RHNO1: variants seen among roughly 807,000 people sequenced by gnomAD.
The protein encoded by RHNO1 is RAD9, HUS1, RAD1-interacting nuclear orphan protein 1.
In RHNO1, 9 loss-of-function variants were observed where a neutral mutation model predicts 7.2. The ratio of observed to expected loss-of-function variants is 1.25; its 90% CI spans 0.75 to 2.18. RHNO1 has a LOEUF of 2.18. RHNO1 is among the 30% of genes most tolerant of loss of function. RHNO1 has a pLI of 0.00. For missense variants in RHNO1, 292 were observed against 284.5 expected, an observed-to-expected ratio of 1.03 and a Z score of -0.19; for synonymous variants, 95 against 107.5, an observed-to-expected ratio of 0.88 and a Z score of 0.72.
chr12:2,888,798 G>GGCCCAGCCGAGATTTGTTTTCTAAGA lies in RHNO1; in HGVS notation c.*340_*365dup, dbSNP rs1280421810. ...GCTGGCCTTGACCTCACAAAGTGCT[G>GGCCCAGCCGAGATTTGTTTTCTAAGA]GCCCAGCCGAGATTTGTTTTCTAAG... On this transcript the variant is annotated 3_prime_UTR_variant, in exon 3 of 3. Transcript: ENST00000489288. The GGCCCAGCCGAGATTTGTTTTCTAAGA allele has an allele frequency of 5.8e-4, 117 of 203,320 alleles. No individual in the cohort carries two copies. The highest frequency in any genetic ancestry group is 1.9e-3 in the Admixed American group (36 of 18,856). The allele number at this position is 203,320 out of a possible 1,614,324, so 12.6% of individuals were successfully genotyped here.
At chr12:2,879,579 C>T (rs2098154772) in intron 1 of RHNO1, among the ~76,000 whole-genome samples, 1 of 151,816 alleles carries the variant, frequency 6.6e-6, no homozygotes, top group Non-Finnish European at 1.5e-5. Context: ...AGCGATCTGC[C>T]CACCCCGGCC....
At chr12:2,885,179 C>T (rs2098163743) in intron 1 of RHNO1, 104 bp from the exon 2 acceptor site, 5 of 569,474 alleles carry the variant, frequency 8.8e-6, no homozygotes, top group Non-Finnish European at 1.6e-5. Flanking sequence ...AGGCTGTGCT[C>T]CCCAAAGCCT....
At position 2,887,243 on chromosome 12, in the gene RHNO1, C is replaced by A. The variant is rs142136709; in HGVS notation, c.169-668C>A. ...CTGTAATCCCAGCACTTTGGAAGGCCGGGGTGGGTGGATCACCTGAGGTCA... is the reference window on the plus strand; with the variant it reads ...CTGTAATCCCAGCACTTTGGAAGGCAGGGGTGGGTGGATCACCTGAGGTCA... On this transcript the variant is annotated intron_variant, in intron 2 of 2. Transcript: ENST00000489288. 323 of 233,586 alleles carry A rather than the reference C, an allele frequency of 1.4e-3. 2 individuals carry two copies. Among genetic ancestry groups the A allele is most frequent in the African/African-American group, 7.0e-3 (311 of 44,642 alleles). The allele number at this position is 233,586 out of a possible 1,614,324, so 14.5% of individuals were successfully genotyped here.
Position 2,885,540 on chromosome 12 carries a change from C to T in RHNO1, c.168+6C>T. The T allele has an allele frequency of 6.9e-7, 1 of 1,452,000 alleles. No individual in the cohort carries two copies. The highest frequency in any genetic ancestry group is 9.5e-7 in the Non-Finnish European group (1 of 1,057,018). The allele number at this position is 1,452,000 out of a possible 1,614,324, so 89.9% of individuals were successfully genotyped here. A position where few individuals can be genotyped will look rare whatever the true frequency, so the allele number is the denominator to read the frequency against. ...ACAGCACCATCACTTCCTGGGTAGG[C>T]CCATGGGATTACTATTTGACATTTT... On this transcript the variant is annotated splice_donor_region_variant and intron_variant, in intron 2 of 2. Coordinates refer to ENST00000489288, the MANE Select transcript of RHNO1 (RefSeq NM_001252499.3).
chr12:2,887,348 C>G (rs988158841), intron 2 of RHNO1, among the ~76,000 whole-genome samples: 3 of 151,878 alleles, frequency 2.0e-5, no homozygotes, highest in Admixed American at 2.0e-4. Flanking sequence ...CGTGGTGGTG[C>G]GCACCTATAT....
chr12:2,879,493 CACCT>C (rs1254209667), intron 1 of RHNO1, among the ~76,000 whole-genome samples: 1 of 151,776 alleles, frequency 6.6e-6, no homozygotes, highest in Non-Finnish European at 1.5e-5. Flanking sequence ...CAGCCGTGCC[CACCT>C]GATTTTTTGT....
Position 2,885,323 on chromosome 12 carries a change from T to TAACAGC in RHNO1, c.-42_-37dup, listed in dbSNP as rs2098163907. ...GGAGCCTATCCCCCAACCCGAAGGC[T>TAACAGC]AACAGCATCATGTGGTTACTAACTG... On this transcript the variant is annotated 5_prime_UTR_variant, in exon 2 of 3. Coordinates refer to ENST00000489288, the MANE Select transcript of RHNO1 (RefSeq NM_001252499.3). The TAACAGC allele has an allele frequency of 3.2e-6, 5 of 1,573,526 alleles. No individual in the cohort carries two copies. The highest frequency in any genetic ancestry group is 3.5e-6 in the Non-Finnish European group (4 of 1,157,278).
intron 2 of RHNO1, chr12:2,887,084 T>C (rs2098166464): frequency 7.0e-6 from 3 of 426,862 alleles, no homozygotes; most frequent in Admixed American, 4.8e-5. Context: ...GGCTTACGCC[T>C]GTAATCCCAG....
At chr12:2,884,813 C>G (rs572979119) in intron 1 of RHNO1, among the ~76,000 whole-genome samples, 2 of 152,294 alleles carry the variant, frequency 1.3e-5, no homozygotes, top group South Asian at 4.1e-4. Context: ...TTTGTGTACA[C>G]TGTTCCTCAG....
chr12:2,887,847 A>G, intron 2 of RHNO1, 64 bp from the exon 3 acceptor site: 2 of 1,331,578 alleles, frequency 1.5e-6, no homozygotes, highest in Non-Finnish European at 2.0e-6. Flanking sequence ...TGGTCATCAG[A>G]TACAGTTTCC....
At chr12:2,885,161 G>GATAC (rs1193837077) in intron 1 of RHNO1, 122 bp from the exon 2 acceptor site, 1 of 500,792 alleles carries the variant, frequency 2.0e-6, no homozygotes, top group African/African-American at 2.0e-5. Context: ...GGTGGTTGTA[G>GATAC]GTATAGGAGG....
chr12:2,889,278 C>A lies in RHNO1; in HGVS notation c.*819C>A, dbSNP rs1335811268. On this transcript the variant is annotated 3_prime_UTR_variant, in exon 3 of 3. Transcript: ENST00000489288. The stretch of plus-strand genomic sequence containing the variant: ...ATAAGATGAGGGGAGATAAGGGGGA[C>A]ATAGATGAGTTCTTTAGGATTGCGT... 6.6e-6 allele frequency: 1 copy of A among 152,084 alleles called. No homozygotes were observed. Among genetic ancestry groups the A allele is most frequent in the African/African-American group, 2.4e-5 (1 of 41,402 alleles). 9.4% of individuals were successfully genotyped at this position (152,084 alleles called of 1,614,324 possible). A position where few individuals can be genotyped will look rare whatever the true frequency, so the allele number is the denominator to read the frequency against.
chr12:2,878,385 GCA>G (rs1290535450), intron 1 of RHNO1, among the ~76,000 whole-genome samples: 1 of 150,782 alleles, frequency 6.6e-6, no homozygotes, highest in Non-Finnish European at 1.5e-5. Flanking sequence ...GCAGGAGGAA[GCA>G]CAGTGAGTAC....
In RHNO1 at chr12:2,885,456, T is replaced by G; in HGVS notation, c.90T>G (p.Cys30Trp). The change falls in exon 2 of 3, where the codon TGT (cysteine) becomes TGG (tryptophan). Residue 30 changes from cysteine to tryptophan, a missense_variant. Physicochemically the swap from Cys to Trp is radical, Grantham distance 215. Coordinates refer to ENST00000489288, the MANE Select transcript of RHNO1 (RefSeq NM_001252499.3). ...QQPLEGPKHS[C>W]ASTQLPITHT... ...CACTGGAGGGCCCCAAACACAGCTGTGCATCTACACAGCTTCCCATCACTC... is the reference window on the plus strand; with the variant it reads ...CACTGGAGGGCCCCAAACACAGCTGGGCATCTACACAGCTTCCCATCACTC... The G allele has an allele frequency of 3.7e-6, 6 of 1,612,486 alleles. No homozygotes were observed. Among genetic ancestry groups the G allele is most frequent in the Non-Finnish European group, 5.1e-6 (6 of 1,179,650 alleles).
In RHNO1 at chr12:2,885,560, CATTTT is replaced by C. The variant is rs2098164482; in HGVS notation, c.168+27_168+31del. 2,318 of 736,852 alleles carry C rather than the reference CATTTT, an allele frequency of 3.1e-3. 119 individuals carry two copies. Among genetic ancestry groups the C allele is most frequent in the Middle Eastern group, 6.8e-3 (16 of 2,350 alleles). 45.6% of individuals were successfully genotyped at this position (736,852 alleles called of 1,614,324 possible). A position where few individuals can be genotyped will look rare whatever the true frequency, so the allele number is the denominator to read the frequency against. ...GTAGGCCCATGGGATTACTATTTGA[CATTTT>C]TTTTTTTTTTTTTTTTTTTTTTTTT... On this transcript the variant is annotated intron_variant, in intron 2 of 2. Coordinates refer to ENST00000489288, the MANE Select transcript of RHNO1 (RefSeq NM_001252499.3).
chr12:2,885,905 A>G (rs762520419), intron 2 of RHNO1: 4 of 81,110 alleles, frequency 4.9e-5, no homozygotes, highest in Admixed American at 1.4e-4. Flanking sequence ...TAGGTTTTCC[A>G]GAATGCTGAC....
At chr12:2,879,584 C>G (rs1487830314) in intron 1 of RHNO1, among the ~76,000 whole-genome samples, 1 of 151,604 alleles carries the variant, frequency 6.6e-6, no homozygotes, top group Non-Finnish European at 1.5e-5. Context: ...TCTGCCCACC[C>G]CGGCCTCTGA....
In RHNO1 at chr12:2,884,792, G is replaced by A. The variant is rs114867557; in HGVS notation, c.-84-491G>A. Among the ~76,000 whole-genome samples the A allele has an allele frequency of 5.7e-3, 862 of 151,856 alleles. 6 individuals carry two copies. Among genetic ancestry groups the A allele is most frequent in the African/African-American group, 0.02 (814 of 41,354 alleles). On this transcript the variant is annotated intron_variant, in intron 1 of 2. Transcript: ENST00000489288. ...CCCAGAATTCACAATACTCCGTCTC[G>A]TCTCCATGCCTTTGTGTACACTGTT...
intron 1 of RHNO1, among the ~76,000 whole-genome samples, chr12:2,879,402 G>A (rs1337660802): frequency 1.3e-5 from 2 of 151,464 alleles, no homozygotes; most frequent in Non-Finnish European, 2.9e-5. Context: ...GCACGATCTC[G>A]GCTCACTGCA....
Sources: gnomAD v4.1 joint callset for allele counts (sites outside exome capture counted in the v4.1 genomes callset) on GRCh38, gnomAD v4.1.1 for gene constraint, MANE v1.5 for transcripts, NCBI Gene and HGNC (gene_info 2026-07-23, HGNC 2026-07-21) for gene names.